The following UNC13A variants were observed in gnomAD, a reference collection of about 807,000 sequenced individuals.
UNC13A encodes the protein unc-13 homolog A, also known as protein unc-13 homolog A.
Under a neutral mutation model 219.7 loss-of-function variants are expected in UNC13A, and 61 were observed. The observed-to-expected ratio is 0.28, with a 90% CI of 0.23 to 0.34. The LOEUF (loss-of-function observed/expected upper bound fraction) is 0.34, where lower values mean the gene tolerates loss of function less well. UNC13A is among the 10% of genes least tolerant of loss of function. The pLI is 1.00. For missense variants in UNC13A, 1,476 were observed against 2,270.3 expected (o/e 0.65, Z 7.11); for synonymous variants, 920 against 884.6 (o/e 1.04, Z -0.71).
intron 8 of UNC13A, among the ~76,000 whole-genome samples, chr19:17,663,059 T>C (rs2079579460): frequency 6.6e-6 from 1 of 151,878 alleles, no homozygotes; most frequent in Non-Finnish European, 1.5e-5. Context: ...GAGGTCCCTG[T>C]GTGCATCTCC....
At chr19:17,659,069 C>T (rs2079508808) in intron 8 of UNC13A, among the ~76,000 whole-genome samples, 1 of 129,094 alleles carries the variant, frequency 7.7e-6, no homozygotes, top group Admixed American at 7.8e-5. Flanking sequence ...TTTTCTGTAC[C>T]TTCTGAAAAA....
rs571233134 is a variant in UNC13A, at chr19:17,642,699, G to A, written c.2472+146C>T. On this transcript the variant is annotated intron_variant, in intron 20 of 43. Transcript: ENST00000519716. ...GAATCTGGACTTTGATGGATAGGGA[G>A]GAGTTTTCCAGGTAAAGGGAATGGC... is the stretch of plus-strand genomic sequence containing the variant. The A allele has an allele frequency of 2.0e-4, 134 of 681,642 alleles. No individual in the cohort carries two copies. The African/African-American group carries it at 2.1e-3, about 11-fold the overall frequency. 42.2% of individuals were successfully genotyped at this position (681,642 alleles called of 1,614,324 possible). A position where few individuals can be genotyped will look rare whatever the true frequency, so the allele number is the denominator to read the frequency against.
At chr19:17,631,433 C>T (rs1424812225) in intron 28 of UNC13A, among the ~76,000 whole-genome samples, 1 of 151,478 alleles carries the variant, frequency 6.6e-6, no homozygotes, top group African/African-American at 2.4e-5. Flanking sequence ...CCCTGTGTTG[C>T]CCAGGCAGGC....
intron 25 of UNC13A, among the ~76,000 whole-genome samples, chr19:17,637,582 GC>G (rs1161177286): frequency 6.6e-6 from 1 of 152,208 alleles, no homozygotes; most frequent in Admixed American, 6.5e-5. Context: ...ACAGGCGTGA[GC>G]CACTGTGCCT....
chr19:17,647,158 A>G (rs1042204617), intron 17 of UNC13A, 107 bp downstream of exon 17: 1 of 1,062,208 alleles, frequency 9.4e-7, no homozygotes, highest in Admixed American at 2.3e-5. Flanking sequence ...CACCCGACCG[A>G]GTGAGTGCGC....
chr19:17,601,343 G>A lies in UNC13A; in HGVS notation c.*4711C>T, dbSNP rs189005553. On this transcript the variant is annotated 3_prime_UTR_variant, in exon 44 of 44. Transcript: ENST00000519716. The stretch of plus-strand genomic sequence containing the variant: ...CAACCACGTGTCCAAGGCTGTGTGT[G>A]GTTTTTCTTTTTTTAATGTCTGCTG... 28 of 152,426 alleles carry A rather than the reference G, an allele frequency of 1.8e-4. No homozygotes were observed. The highest frequency in any genetic ancestry group is 5.3e-4 in the African/African-American group (22 of 41,508). The allele number at this position is 152,426 out of a possible 1,614,324, so 9.4% of individuals were successfully genotyped here. A position where few individuals can be genotyped will look rare whatever the true frequency, so the allele number is the denominator to read the frequency against.
Position 17,658,087 on chromosome 19 carries a change from C to T in UNC13A, c.742G>A (p.Glu248Lys). ...SYSDSMHSYE[E>K]FSEPQALSPT... ...CTGAGGGCTTGTGGCTCAGAGAACT[C>T]CTCGTAACTGTGCATGGAGTCACTG... is the stretch of plus-strand genomic sequence containing the variant. Residue 248 changes from glutamate to lysine, a missense_variant, in exon 9 of 44, where the codon GAG (glutamate) becomes AAG (lysine). Transcript: ENST00000519716. 6.2e-7 allele frequency: 1 copy of T among 1,613,684 alleles called. No homozygotes were observed. The highest frequency in any genetic ancestry group is 8.5e-7 in the Non-Finnish European group (1 of 1,179,786).
At chr19:17,686,305 C>A (rs1468747306) in intron 1 of UNC13A, among the ~76,000 whole-genome samples, 1 of 37,102 alleles carries the variant, frequency 2.7e-5, no homozygotes, top group Admixed American at 1.7e-4. Context: ...CCCGCCCCCC[C>A]CCCCCCCCCC....
At chr19:17,652,140 G>C (rs1019002710) in intron 12 of UNC13A, among the ~76,000 whole-genome samples, 3 of 151,502 alleles carry the variant, frequency 2.0e-5, no homozygotes, top group African/African-American at 7.3e-5. Context: ...TTATTTGTTT[G>C]TTTATTTTTG....
In UNC13A at chr19:17,648,411, C is replaced by T. The variant is rs777363415; in HGVS notation, c.1816+20G>A. 1 of 1,543,064 alleles carries T rather than the reference C, an allele frequency of 6.5e-7. No individual in the cohort carries two copies. Among genetic ancestry groups the T allele is most frequent in the Non-Finnish European group, 8.7e-7 (1 of 1,148,716 alleles). On this transcript the variant is annotated intron_variant, in intron 16 of 43. Coordinates refer to ENST00000519716, the MANE Select transcript of UNC13A (RefSeq NM_001080421.3). Reference sequence around the variant, plus strand: ...CTCCCCACGCCAACCCGTGGCCCTGCGCTCAGGCCCTGCGCTCACGCTGCA... The same window carrying T: ...CTCCCCACGCCAACCCGTGGCCCTGTGCTCAGGCCCTGCGCTCACGCTGCA...
At chr19:17,633,302 T>C in intron 26 of UNC13A, 109 bp from the exon 27 acceptor site, 1 of 1,037,818 alleles carries the variant, frequency 9.6e-7, no homozygotes, top group Non-Finnish European at 1.5e-6. Context: ...TAGAGGGATT[T>C]GGGTTCAGGT....
intron 6 of UNC13A, among the ~76,000 whole-genome samples, chr19:17,667,025 G>A (rs1023703708): frequency 6.6e-5 from 10 of 152,126 alleles, no homozygotes; most frequent in Admixed American, 2.0e-4. Flanking sequence ...AGGCCGAAGC[G>A]GGCAGATCAC....
At position 17,648,761 on chromosome 19, in the gene UNC13A, C is replaced by T. The variant is rs186143326; in HGVS notation, c.1597-111G>A. On this transcript the variant is annotated intron_variant, in intron 15 of 43. Coordinates refer to ENST00000519716, the MANE Select transcript of UNC13A (RefSeq NM_001080421.3). The stretch of plus-strand genomic sequence containing the variant: ...GGTAAAGTCCCAGGCCCTCCCCTGC[C>T]TCCACGCTGTCGGAATCCACGCTGC... The T allele has an allele frequency of 2.3e-5, 35 of 1,508,348 alleles. No homozygotes were observed. In the Admixed American group the frequency reaches 6.2e-4, roughly 27 times the overall value. The allele number at this position is 1,508,348 out of a possible 1,614,324, so 93.4% of individuals were successfully genotyped here. A position where few individuals can be genotyped will look rare whatever the true frequency, so the allele number is the denominator to read the frequency against.
intron 26 of UNC13A, among the ~76,000 whole-genome samples, chr19:17,634,528 T>C (rs2076892468): frequency 6.6e-6 from 1 of 151,868 alleles, no homozygotes; most frequent in African/African-American, 2.4e-5. Context: ...TTAGTAGAGA[T>C]GGGGTTTTGC....
At chr19:17,631,130 G>C (rs956651587) in intron 28 of UNC13A, among the ~76,000 whole-genome samples, 1 of 114,498 alleles carries the variant, frequency 8.7e-6, no homozygotes, top group Non-Finnish European at 1.8e-5. Context: ...ATGGCAAGTG[G>C]GTTTATTCTC....
In UNC13A at chr19:17,630,696, C is replaced by T. The variant is rs267605351; in HGVS notation, c.3483G>A (p.Arg1161=). 4 of 1,613,852 alleles carry T rather than the reference C, an allele frequency of 2.5e-6. No homozygotes were observed. The highest frequency in any genetic ancestry group is 8.5e-7 in the Non-Finnish European group (1 of 1,179,864). ...GCTCCAGGGCACCGTGCAGGAAATC[C>T]CGGGACACCTCCTCATTCTCATCCA... is the stretch of plus-strand genomic sequence containing the variant. The part of the protein sequence containing the change: ...QWLDENEEVS[R]DFLHGALERD... Residue 1161 remains arginine (R), a synonymous_variant, in exon 29 of 44, where the codon CGG becomes CGA. Transcript: ENST00000519716.
chr19:17,686,272 G>A (rs1357503770), intron 1 of UNC13A, among the ~76,000 whole-genome samples: 1 of 120,138 alleles, frequency 8.3e-6, no homozygotes, highest in Non-Finnish European at 1.7e-5. Flanking sequence ...CCTCCTGTTT[G>A]CGTCAGAGTT....
chr19:17,678,540 C>G (rs2079944320), intron 1 of UNC13A, among the ~76,000 whole-genome samples: 1 of 151,972 alleles, frequency 6.6e-6, no homozygotes, highest in Non-Finnish European at 1.5e-5. Flanking sequence ...GAACCCCTCT[C>G]TCTGGGCCTT....
intron 37 of UNC13A, among the ~76,000 whole-genome samples, chr19:17,621,266 G>A (rs2076727193): frequency 6.6e-6 from 1 of 152,052 alleles, no homozygotes; most frequent in Non-Finnish European, 1.5e-5. Context: ...TAGGGTGCCT[G>A]GGACACTGAA....
Sources: gnomAD v4.1 joint callset for allele counts (sites outside exome capture counted in the v4.1 genomes callset) on GRCh38, gnomAD v4.1.1 for gene constraint, MANE v1.5 for transcripts, NCBI Gene and HGNC (gene_info 2026-07-23, HGNC 2026-07-21) for gene names.